The following KCNAB1 variants were observed in gnomAD, a reference collection of about 807,000 sequenced individuals.
The protein encoded by KCNAB1 is voltage-gated potassium channel subunit beta-1.
Under a neutral mutation model 64.6 loss-of-function variants are expected in KCNAB1, and 35 were observed. The observed-to-expected ratio is 0.54, with a 90% confidence interval of 0.41 to 0.72. KCNAB1 has a LOEUF of 0.72. Ranked by LOEUF, KCNAB1 falls within the 30% of genes least tolerant of loss-of-function variation. KCNAB1 has a pLI of 0.00. For missense variants in KCNAB1, 401 were observed against 512.9 expected, an observed-to-expected ratio of 0.78 and a Z score of 2.11; for synonymous variants, 177 against 183.8, an observed-to-expected ratio of 0.96 and a Z score of 0.30.
chr3:156,373,723 G>A lies in KCNAB1; in HGVS notation c.276-47893G>A, dbSNP rs735572. Among the ~76,000 whole-genome samples the A allele has an allele frequency of 7.1e-3, 1,079 of 152,284 alleles. 9 individuals carry two copies. Among genetic ancestry groups the A allele is most frequent in the African/African-American group, 0.025 (1,031 of 41,548 alleles). On this transcript the variant is annotated intron_variant, in intron 1 of 13. Transcript: ENST00000490337. ...CTCTCTGAGACTCTGCATGGCCTGG[G>A]TAAGAAGAATACCAAAAGGCTAAAT...
At chr3:156,184,962 C>T (rs772730882) in intron 1 of KCNAB1, among the ~76,000 whole-genome samples, 1 of 152,130 alleles carries the variant, frequency 6.6e-6, no homozygotes, top group Non-Finnish European at 1.5e-5. Context: ...AATTCTCATG[C>T]ATATTATTTA....
At chr3:156,343,725 C>A (rs899465171) in intron 1 of KCNAB1, among the ~76,000 whole-genome samples, 1 of 152,086 alleles carries the variant, frequency 6.6e-6, no homozygotes, top group Non-Finnish European at 1.5e-5. Context: ...TTTAATAAAC[C>A]CAGGGAACAA....
chr3:156,213,880 G>C (rs1298918154), intron 1 of KCNAB1, among the ~76,000 whole-genome samples: 1 of 152,160 alleles, frequency 6.6e-6, no homozygotes, highest in Non-Finnish European at 1.5e-5. Context: ...TTCAGGATGG[G>C]AAGGCTAAGC....
At position 156,306,528 on chromosome 3, in the gene KCNAB1, A is replaced by G. The variant is rs139929751; in HGVS notation, c.276-115088A>G. Among the ~76,000 whole-genome samples the G allele has an allele frequency of 3.4e-3, 517 of 152,374 alleles. 4 individuals are homozygous for G. Among genetic ancestry groups the G allele is most frequent in the African/African-American group, 0.012 (493 of 41,588 alleles). On this transcript the variant is annotated intron_variant, in intron 1 of 13. Coordinates refer to ENST00000490337, the MANE Select transcript of KCNAB1 (RefSeq NM_172160.3). ...CATTCAAGCAAGTAGCTTATGTAGT[A>G]TTCTGCAAATACGTCCTTATTTGCA...
chr3:156,185,088 G>T (rs35336094), intron 1 of KCNAB1, among the ~76,000 whole-genome samples: 1 of 152,122 alleles, frequency 6.6e-6, no homozygotes, highest in Admixed American at 6.5e-5. Flanking sequence ...TAAAACCCAG[G>T]ATTCCTGAAG....
At chr3:156,522,294 G>T (rs905841212) in intron 11 of KCNAB1, among the ~76,000 whole-genome samples, 1 of 152,012 alleles carries the variant, frequency 6.6e-6, no homozygotes, top group East Asian at 1.9e-4. Context: ...TGAAACTTTA[G>T]TGAGGATTGG....
intron 1 of KCNAB1, among the ~76,000 whole-genome samples, chr3:156,268,163 C>T (rs1202386017): frequency 6.6e-6 from 1 of 152,066 alleles, no homozygotes; most frequent in African/African-American, 2.4e-5. Flanking sequence ...TGGTTTATTT[C>T]ACTTAACATA....
At chr3:156,316,384 G>C (rs1445111463) in intron 1 of KCNAB1, among the ~76,000 whole-genome samples, 1 of 152,206 alleles carries the variant, frequency 6.6e-6, no homozygotes. Flanking sequence ...TTAAGAGCCT[G>C]GGCTGAGGGA....
rs71138700 is a variant in KCNAB1, at chr3:156,182,629, TC to T, written c.275+61752del. On this transcript the variant is annotated intron_variant, in intron 1 of 13. Transcript: ENST00000490337. ...CTTCTTTCCAGGGTTGGTTTTTTTT[TC>T]CCCCCCCCGGGTCTTATCTTTTCTA... Among the ~76,000 whole-genome samples, 592 of 120,482 alleles carry T rather than the reference TC, an allele frequency of 4.9e-3. 8 individuals carry two copies. Among genetic ancestry groups the T allele is most frequent in the South Asian group, 0.02 (78 of 3,870 alleles). 79.0% of individuals were successfully genotyped at this position (120,482 alleles called of 152,430 possible).
At chr3:156,335,378 A>G (rs1723620615) in intron 1 of KCNAB1, among the ~76,000 whole-genome samples, 1 of 152,120 alleles carries the variant, frequency 6.6e-6, no homozygotes, top group Non-Finnish European at 1.5e-5. Flanking sequence ...TCTTTGAGTC[A>G]CCACTTTATA....
At chr3:156,138,543 T>C (rs1714506224) in intron 1 of KCNAB1, among the ~76,000 whole-genome samples, 1 of 152,180 alleles carries the variant, frequency 6.6e-6, no homozygotes, top group African/African-American at 2.4e-5. Flanking sequence ...AAGAAAAATT[T>C]AGAACTAGGC....
intron 1 of KCNAB1, among the ~76,000 whole-genome samples, chr3:156,317,130 A>G (rs1722325495): frequency 6.6e-6 from 1 of 152,230 alleles, no homozygotes; most frequent in Non-Finnish European, 1.5e-5. Context: ...TCTTGGCTGA[A>G]AAGAACCGAC....
At chr3:156,265,119 C>T (rs1037151622) in intron 1 of KCNAB1, among the ~76,000 whole-genome samples, 1 of 152,130 alleles carries the variant, frequency 6.6e-6, no homozygotes. Flanking sequence ...TCCTGGACCA[C>T]CTAATACTAT....
intron 6 of KCNAB1, among the ~76,000 whole-genome samples, chr3:156,464,517 T>G (rs1713205777): frequency 6.6e-6 from 1 of 151,554 alleles, no homozygotes; most frequent in South Asian, 2.1e-4. Context: ...AATGCTGGAG[T>G]TTTAACAAAA....
intron 1 of KCNAB1, among the ~76,000 whole-genome samples, chr3:156,130,090 C>T (rs528555008): frequency 6.6e-6 from 1 of 152,262 alleles, no homozygotes; most frequent in Non-Finnish European, 1.5e-5. Flanking sequence ...TTGATTTTGT[C>T]ATCTATATGG....
At chr3:156,400,582 C>G (rs1002132397) in intron 1 of KCNAB1, among the ~76,000 whole-genome samples, 4 of 152,188 alleles carry the variant, frequency 2.6e-5, no homozygotes, top group African/African-American at 9.6e-5. Context: ...ATAATTCAAG[C>G]CCTTATCACT....
At chr3:156,401,035 GTT>G (rs1211082014) in intron 1 of KCNAB1, among the ~76,000 whole-genome samples, 1 of 152,084 alleles carries the variant, frequency 6.6e-6, no homozygotes, top group African/African-American at 2.4e-5. Context: ...GAACTTTTAG[GTT>G]TCCTAATGAG....
In KCNAB1 at chr3:156,395,546, A is replaced by AAAG. The variant is rs1174789308; in HGVS notation, c.276-26068_276-26067insGAA. Among the ~76,000 whole-genome samples, 63 of 66,816 alleles carry AAAG rather than the reference A, an allele frequency of 9.4e-4. 1 individual carries two copies. The highest frequency in any genetic ancestry group is 8.1e-3 in the East Asian group (27 of 3,324). The allele number at this position is 66,816 out of a possible 152,430, so 43.8% of individuals were successfully genotyped here. On this transcript the variant is annotated intron_variant, in intron 1 of 13. Coordinates refer to ENST00000490337, the MANE Select transcript of KCNAB1 (RefSeq NM_172160.3). ...GGCGACAGAGCGAGACTCCGTCTCA[A>AAAG]AAAAAAAAAAAAAAAAAAAAAAAAA...
At chr3:156,523,797 T>A in intron 11 of KCNAB1, 30 bp from the exon 12 acceptor site, 1 of 1,590,204 alleles carries the variant, frequency 6.3e-7, no homozygotes, top group South Asian at 1.1e-5. Flanking sequence ...TTACCAGACA[T>A]TAACATTTCA....
Sources: allele counts gnomAD v4.1 joint callset (sites outside exome capture counted in the v4.1 genomes callset), GRCh38; gene constraint gnomAD v4.1.1; transcripts MANE v1.5; gene names NCBI Gene and HGNC (gene_info 2026-07-23, HGNC 2026-07-21).